The following CYRIB variants were observed in gnomAD, a reference collection of about 807,000 sequenced individuals.
CYRIB encodes CYFIP-related Rac1 interactor B.
A neutral mutation model predicts 44.2 loss-of-function variants in CYRIB; 8 were observed. That is an observed-to-expected ratio of 0.18 (90% CI 0.11 to 0.33). CYRIB has a LOEUF of 0.33. CYRIB is among the 10% of genes least tolerant of loss of function. CYRIB has a pLI of 1.00. For missense variants in CYRIB, 185 were observed against 382.8 expected (o/e 0.48, Z 4.31); for synonymous variants, 131 against 127.2 (o/e 1.03, Z -0.20).
At chr8:129,966,468 A>C (rs2095483057) in intron 2 of CYRIB, among the ~76,000 whole-genome samples, 1 of 152,232 alleles carries the variant, frequency 6.6e-6, no homozygotes. Context: ...AGAAAGGCAG[A>C]GCTCACTCTT....
At chr8:129,889,537 A>G (rs1046824698) in intron 2 of CYRIB, among the ~76,000 whole-genome samples, 6 of 152,156 alleles carry the variant, frequency 3.9e-5, no homozygotes, top group Non-Finnish European at 8.8e-5. Context: ...ACCGTTAAGA[A>G]CCTTTGTGAT....
At chr8:129,959,499 G>A (rs540548166) in intron 2 of CYRIB, among the ~76,000 whole-genome samples, 44 of 152,224 alleles carry the variant, frequency 2.9e-4, no homozygotes, top group Admixed American at 1.2e-3. Flanking sequence ...TTCTGGTCCA[G>A]TGTGATGACT....
intron 1 of CYRIB, among the ~76,000 whole-genome samples, chr8:129,979,630 T>G (rs1472965687): frequency 6.6e-6 from 1 of 152,100 alleles, no homozygotes; most frequent in Non-Finnish European, 1.5e-5. Flanking sequence ...AATTATCATT[T>G]CCCAGCTGGC....
intron 1 of CYRIB, among the ~76,000 whole-genome samples, chr8:129,917,763 A>G (rs2081479057): frequency 6.6e-6 from 1 of 152,158 alleles, no homozygotes; most frequent in Non-Finnish European, 1.5e-5. Flanking sequence ...AGGCTGAGAC[A>G]GGAGAATTGC....
chr8:129,957,737 A>C (rs2094939715), intron 2 of CYRIB, among the ~76,000 whole-genome samples: 1 of 152,048 alleles, frequency 6.6e-6, no homozygotes, highest in African/African-American at 2.4e-5. Context: ...AGGCCGAAGC[A>C]GGTGGATCAT....
intron 2 of CYRIB, chr8:129,949,158 AATTT>A (rs1038581204): frequency 1.3e-5 from 2 of 152,192 alleles, no homozygotes; most frequent in Non-Finnish European, 2.9e-5. Context: ...AAAGTGTATT[AATTT>A]ATCAATGCCA....
chr8:129,905,511 A>C (rs1180584430), intron 1 of CYRIB, among the ~76,000 whole-genome samples: 1 of 152,168 alleles, frequency 6.6e-6, no homozygotes, highest in Non-Finnish European at 1.5e-5. Flanking sequence ...ACTTTTCTCT[A>C]TGAGTTAGTT....
intron 4 of CYRIB, among the ~76,000 whole-genome samples, chr8:129,863,512 G>A (rs1013645106): frequency 3.3e-5 from 5 of 150,392 alleles, no homozygotes; most frequent in Middle Eastern, 3.4e-3. Flanking sequence ...GTGATAGAGC[G>A]AGACTCTGTC....
intron 1 of CYRIB, among the ~76,000 whole-genome samples, chr8:129,918,085 C>A (rs1219750944): frequency 6.6e-6 from 1 of 152,132 alleles, no homozygotes; most frequent in Non-Finnish European, 1.5e-5. Flanking sequence ...AATGGCTGCC[C>A]ACCACAATTA....
intron 2 of CYRIB, among the ~76,000 whole-genome samples, chr8:129,902,206 TTTTG>T (rs1455819585): frequency 2.0e-5 from 3 of 152,050 alleles, no homozygotes; most frequent in Non-Finnish European, 4.4e-5. Context: ...TGGGCTGGAT[TTTTG>T]TTTTTGTTTT....
At chr8:129,893,605 A>G (rs2135101823) in intron 2 of CYRIB, among the ~76,000 whole-genome samples, 2 of 152,354 alleles carry the variant, frequency 1.3e-5, no homozygotes, top group African/African-American at 4.8e-5. Flanking sequence ...TAGTTGCTTC[A>G]GATGGGCTAC....
At chr8:129,964,252 G>A (rs1368779658) in intron 2 of CYRIB, among the ~76,000 whole-genome samples, 2 of 152,222 alleles carry the variant, frequency 1.3e-5, no homozygotes, top group African/African-American at 2.4e-5. Flanking sequence ...TTCAGGAAAC[G>A]AGGACATCGC....
chr8:129,916,576 T>C (rs2080883066), intron 1 of CYRIB, among the ~76,000 whole-genome samples: 1 of 152,180 alleles, frequency 6.6e-6, no homozygotes, highest in Non-Finnish European at 1.5e-5. Context: ...TGAAATCTGT[T>C]TCCTCCTAAA....
chr8:129,963,160 A>G (rs1339028939), intron 2 of CYRIB, among the ~76,000 whole-genome samples: 4 of 152,216 alleles, frequency 2.6e-5, no homozygotes, highest in Admixed American at 1.3e-4. Context: ...ACAATCCACA[A>G]GAAAAGGGAG....
At chr8:129,964,225 T>C (rs541228124) in intron 2 of CYRIB, among the ~76,000 whole-genome samples, 91 of 152,344 alleles carry the variant, frequency 6.0e-4, no homozygotes, top group Non-Finnish European at 9.7e-4. Flanking sequence ...AACGGGAAAG[T>C]TGTAAAGATA....
intron 1 of CYRIB, among the ~76,000 whole-genome samples, chr8:130,013,262 C>T (rs1339933438): frequency 1.3e-5 from 2 of 152,150 alleles, no homozygotes; most frequent in African/African-American, 4.8e-5. Flanking sequence ...GTGACACATG[C>T]GCCCATTTTA....
chr8:129,934,233 C>T (rs1251892943), intron 1 of CYRIB, among the ~76,000 whole-genome samples: 5 of 152,148 alleles, frequency 3.3e-5, no homozygotes. Context: ...GAATGCCTAA[C>T]TCATGGAGGC....
At chr8:129,992,715 C>T (rs1332758316) in intron 1 of CYRIB, among the ~76,000 whole-genome samples, 1 of 152,198 alleles carries the variant, frequency 6.6e-6, no homozygotes, top group Non-Finnish European at 1.5e-5. Flanking sequence ...CTTTCTTTGT[C>T]ATGTATGTGT....
chr8:129,961,624 C>T (rs1462375172), intron 2 of CYRIB, among the ~76,000 whole-genome samples: 2 of 152,180 alleles, frequency 1.3e-5, no homozygotes, highest in Non-Finnish European at 2.9e-5. Flanking sequence ...AGGGCAGGGG[C>T]TTGAATCATT....
Sources: gnomAD v4.1 joint callset for allele counts (sites outside exome capture counted in the v4.1 genomes callset) on GRCh38, gnomAD v4.1.1 for gene constraint, MANE v1.5 for transcripts, NCBI Gene and HGNC (gene_info 2026-07-23, HGNC 2026-07-21) for gene names.